Variants in JPH3 observed in about 807,000 individuals in gnomAD.
JPH3 encodes junctophilin-3.
Under a neutral mutation model 59.6 loss-of-function variants are expected in JPH3, and 11 were observed. The observed-to-expected ratio is 0.18, with a 90% CI of 0.12 to 0.31. JPH3 has a LOEUF of 0.31. Among genes scored for constraint, JPH3 ranks in the 10% least tolerant of loss-of-function variants. The pLI, the probability that JPH3 is intolerant of heterozygous loss-of-function variation, is 1.00. For synonymous variants in JPH3, 673 were observed against 483.6 expected, an observed-to-expected ratio of 1.39 and a Z score of -5.14; for missense variants, 1,202 against 1,105.7, an observed-to-expected ratio of 1.09 and a Z score of -1.24.
chr16:87,608,668 CT>C (rs1477100914), intron 1 of JPH3, among the ~76,000 whole-genome samples: 1 of 152,224 alleles, frequency 6.6e-6, no homozygotes, highest in Non-Finnish European at 1.5e-5. Context: ...TAGGCATCCT[CT>C]TCAAGCCAAA....
Position 87,644,613 on chromosome 16 carries a change from C to T in JPH3, c.738C>T (p.Ser246=), listed in dbSNP as rs34442559. 6.6e-3 allele frequency: 10,724 copies of T among 1,612,686 alleles called. 72 individuals carry two copies. The highest frequency in any genetic ancestry group is 0.031 in the African/African-American group (2,315 of 75,042). The part of the protein sequence containing the change: ...SQRSKQSSFR[S]EAGMSTVSST... ...GCAGCAAGCAGAGCTCCTTTCGCAG[C>T]GAGGCGGGCATGAGCACCGTCAGCT... Residue 246 remains serine, a synonymous_variant, in exon 2 of 5, where the codon AGC becomes AGT. Transcript: ENST00000284262.
At chr16:87,665,871 C>T (rs1321235487) in intron 2 of JPH3, among the ~76,000 whole-genome samples, 2 of 152,230 alleles carry the variant, frequency 1.3e-5, no homozygotes, top group Non-Finnish European at 2.9e-5. Flanking sequence ...CCCTGGGACA[C>T]AGCCCTGTCC....
At chr16:87,662,132 G>A (rs1215888477) in intron 2 of JPH3, among the ~76,000 whole-genome samples, 1 of 152,156 alleles carries the variant, frequency 6.6e-6, no homozygotes, top group Non-Finnish European at 1.5e-5. Context: ...GGGATCCGTA[G>A]GCCTCCCCTG....
chr16:87,680,303 AG>A (rs1403134297), intron 2 of JPH3, among the ~76,000 whole-genome samples: 2 of 151,984 alleles, frequency 1.3e-5, no homozygotes, highest in African/African-American at 4.8e-5. Context: ...GTGTGGCTTC[AG>A]GACTGGTGAC....
At chr16:87,672,269 A>G (rs2033036934) in intron 2 of JPH3, among the ~76,000 whole-genome samples, 1 of 152,154 alleles carries the variant, frequency 6.6e-6, no homozygotes, top group African/African-American at 2.4e-5. Context: ...GCGCTTTGTC[A>G]TGGAAACTGG....
At chr16:87,639,356 G>A (rs1474330674) in intron 1 of JPH3, among the ~76,000 whole-genome samples, 1 of 152,124 alleles carries the variant, frequency 6.6e-6, no homozygotes, top group African/African-American at 2.4e-5. Context: ...AGAGCCTTCC[G>A]CACCTCATGG....
chr16:87,628,644 A>C (rs115799439), intron 1 of JPH3, among the ~76,000 whole-genome samples: 1 of 152,190 alleles, frequency 6.6e-6, no homozygotes, highest in African/African-American at 2.4e-5. Flanking sequence ...TAAAATGGGC[A>C]CAATAACATG....
intron 1 of JPH3, among the ~76,000 whole-genome samples, chr16:87,641,647 G>A (rs1237814649): frequency 6.6e-6 from 1 of 151,858 alleles, no homozygotes; most frequent in East Asian, 1.9e-4. Context: ...GCTGCCCTCA[G>A]AGGCTGCGTT....
At chr16:87,605,062 C>A (rs2030466286) in intron 1 of JPH3, 4 of 410,970 alleles carry the variant, frequency 9.7e-6, no homozygotes, top group Admixed American at 5.1e-5. Flanking sequence ...GGCAGCCTGG[C>A]GCTTCCAGCT....
chr16:87,608,867 G>C (rs192267378), intron 1 of JPH3, among the ~76,000 whole-genome samples: 1 of 152,096 alleles, frequency 6.6e-6, no homozygotes, highest in Non-Finnish European at 1.5e-5. Context: ...TGAGACCCCC[G>C]TCTCTACAAA....
At chr16:87,618,879 A>G (rs2031069988) in intron 1 of JPH3, among the ~76,000 whole-genome samples, 1 of 152,226 alleles carries the variant, frequency 6.6e-6, no homozygotes, top group South Asian at 2.1e-4. Context: ...ACCTGAGGCC[A>G]GGAGTTTGAG....
chr16:87,688,365 G>C (rs866905715), intron 3 of JPH3, among the ~76,000 whole-genome samples: 31 of 152,342 alleles, frequency 2.0e-4, no homozygotes, highest in Middle Eastern at 3.4e-3. Flanking sequence ...TGGCGTCGCA[G>C]CGTGCCCCGA....
chr16:87,695,154 G>T, intron 4 of JPH3: 1 of 367,860 alleles, frequency 2.7e-6, no homozygotes, highest in Non-Finnish European at 5.4e-6. Flanking sequence ...GCTTCGTTGT[G>T]GGTGGGGGGA....
intron 2 of JPH3, among the ~76,000 whole-genome samples, chr16:87,678,364 C>A (rs1207677361): frequency 1.3e-5 from 2 of 152,120 alleles, no homozygotes; most frequent in African/African-American, 4.8e-5. Context: ...CATGACAAAA[C>A]CCTGTCTCTA....
At chr16:87,649,618 A>G (rs570259216) in intron 2 of JPH3, among the ~76,000 whole-genome samples, 1 of 152,312 alleles carries the variant, frequency 6.6e-6, no homozygotes, top group East Asian at 1.9e-4. Flanking sequence ...CTCTGCCACA[A>G]CAACTCTCAC....
At chr16:87,622,993 A>G (rs2031245168) in intron 1 of JPH3, among the ~76,000 whole-genome samples, 1 of 152,120 alleles carries the variant, frequency 6.6e-6, no homozygotes. Flanking sequence ...GGGTAAGTTC[A>G]GAGGGGGACC....
At chr16:87,656,806 G>T (rs1036255282) in intron 2 of JPH3, among the ~76,000 whole-genome samples, 1 of 152,136 alleles carries the variant, frequency 6.6e-6, no homozygotes, top group African/African-American at 2.4e-5. Context: ...CGATAGAGTG[G>T]GTGGCAGAAA....
chr16:87,615,276 T>C (rs960422650), intron 1 of JPH3, among the ~76,000 whole-genome samples: 12 of 152,344 alleles, frequency 7.9e-5, no homozygotes, highest in Admixed American at 5.9e-4. Flanking sequence ...AGCAGATTCC[T>C]ATAGACCTGG....
At chr16:87,693,844 T>C (rs1162747457) in intron 4 of JPH3, 1 of 152,194 alleles carries the variant, frequency 6.6e-6, no homozygotes, top group African/African-American at 2.4e-5. Context: ...AGCGTCTGGA[T>C]GTTTCTCTCA....
Sources: allele counts gnomAD v4.1 joint callset (sites outside exome capture counted in the v4.1 genomes callset), GRCh38; gene constraint gnomAD v4.1.1; transcripts MANE v1.5; gene names NCBI Gene and HGNC (gene_info 2026-07-23, HGNC 2026-07-21).